BICC1: variants seen among roughly 807,000 people sequenced by gnomAD.
The protein encoded by BICC1 is BicC family RNA binding protein 1, also known as protein bicaudal C homolog 1.
Under a neutral mutation model 111.0 loss-of-function variants are expected in BICC1, and 43 were observed. The observed-to-expected ratio is 0.39, with a 90% CI of 0.30 to 0.50. BICC1 has a LOEUF of 0.50. Among genes scored for constraint, BICC1 ranks in the 20% least tolerant of loss-of-function variants. The probability of loss-of-function intolerance (pLI) is 0.88; values close to 1 mark genes in which losing one functional copy is unlikely to be tolerated. For synonymous variants in BICC1, 467 were observed against 434.4 expected, an observed-to-expected ratio of 1.07 and a Z score of -0.93; for missense variants, 1,091 against 1,203.2, an observed-to-expected ratio of 0.91 and a Z score of 1.38.
intron 1 of BICC1, among the ~76,000 whole-genome samples, chr10:58,611,036 C>T (rs939827928): frequency 6.6e-6 from 1 of 152,160 alleles, no homozygotes; most frequent in Non-Finnish European, 1.5e-5. Context: ...TCTGATATTG[C>T]GTTAGTCATT....
At chr10:58,689,953 T>C (rs189479344) in intron 2 of BICC1, among the ~76,000 whole-genome samples, 14 of 152,352 alleles carry the variant, frequency 9.2e-5, no homozygotes, top group Admixed American at 2.0e-4. Flanking sequence ...AAATTTGATA[T>C]AATTCAGGGA....
chr10:58,721,633 A>C (rs1472250184), intron 3 of BICC1, among the ~76,000 whole-genome samples: 2 of 152,226 alleles, frequency 1.3e-5, no homozygotes, highest in Non-Finnish European at 2.9e-5. Flanking sequence ...AGCAGTTTCC[A>C]GGCACATTAG....
intron 6 of BICC1, among the ~76,000 whole-genome samples, chr10:58,788,647 A>G (rs1221221532): frequency 6.6e-6 from 1 of 152,214 alleles, no homozygotes; most frequent in Non-Finnish European, 1.5e-5. Context: ...TTTTTCACTG[A>G]AAATGTTTCT....
At chr10:58,589,384 G>T (rs1421940105) in intron 1 of BICC1, among the ~76,000 whole-genome samples, 1 of 151,866 alleles carries the variant, frequency 6.6e-6, no homozygotes, top group Non-Finnish European at 1.5e-5. Flanking sequence ...GTGTGGGGAG[G>T]TTAAATAATT....
At chr10:58,532,556 T>C (rs542675828) in intron 1 of BICC1, among the ~76,000 whole-genome samples, 28 of 151,942 alleles carry the variant, frequency 1.8e-4, no homozygotes, top group African/African-American at 6.5e-4. Context: ...TAATTCATTT[T>C]AAGAAGGGAC....
chr10:58,513,446 C>T, intron 1 of BICC1, 113 bp downstream of exon 1: 1 of 1,051,094 alleles, frequency 9.5e-7, no homozygotes, highest in Non-Finnish European at 1.3e-6. Context: ...GCCGGTTTAG[C>T]TCCAGGCCCG....
intron 2 of BICC1, among the ~76,000 whole-genome samples, chr10:58,681,479 G>A (rs1839518351): frequency 1.3e-5 from 2 of 152,178 alleles, no homozygotes; most frequent in South Asian, 4.2e-4. Context: ...TTAGAATGGT[G>A]ATCATTAAAA....
At chr10:58,710,962 C>T (rs943708362) in intron 3 of BICC1, among the ~76,000 whole-genome samples, 1 of 152,096 alleles carries the variant, frequency 6.6e-6, no homozygotes, top group Non-Finnish European at 1.5e-5. Context: ...GATCATCTCA[C>T]CTCAGCCTCC....
chr10:58,784,082 A>G (rs1842947541), intron 3 of BICC1, among the ~76,000 whole-genome samples: 1 of 152,126 alleles, frequency 6.6e-6, no homozygotes, highest in Admixed American at 6.5e-5. Flanking sequence ...AGACTCTCTC[A>G]TAGCTGGTAC....
At chr10:58,516,054 C>A in intron 1 of BICC1, among the ~76,000 whole-genome samples, 1 of 152,026 alleles carries the variant, frequency 6.6e-6, no homozygotes, top group East Asian at 1.9e-4. Flanking sequence ...GTTAGATATT[C>A]TTGGGTGGAA....
intron 2 of BICC1, among the ~76,000 whole-genome samples, chr10:58,633,990 C>G (rs143281047): frequency 1.5e-5 from 1 of 68,788 alleles, no homozygotes; most frequent in Non-Finnish European, 2.6e-5. Context: ...TTTTTTTTTT[C>G]TTTTCTTTTT....
intron 1 of BICC1, among the ~76,000 whole-genome samples, chr10:58,533,982 C>A (rs1842755831): frequency 6.6e-6 from 1 of 151,666 alleles, no homozygotes; most frequent in Non-Finnish European, 1.5e-5. Flanking sequence ...CATACAGTGG[C>A]TGAATGGATT....
intron 1 of BICC1, among the ~76,000 whole-genome samples, chr10:58,600,046 TCCCA>T (rs1206509667): frequency 1.3e-5 from 2 of 152,042 alleles, no homozygotes; most frequent in Non-Finnish European, 2.9e-5. Flanking sequence ...TCAAAATGCA[TCCCA>T]CTGATGCTCA....
chr10:58,621,904 TAGAATAGAA>T (rs1269076786), intron 2 of BICC1, among the ~76,000 whole-genome samples: 2 of 16,812 alleles, frequency 1.2e-4, no homozygotes, highest in African/African-American at 7.4e-4. Flanking sequence ...TCTCTAAAAT[TAGAATAGAA>T]TAGAATAGAA....
At chr10:58,739,419 C>T (rs1444753397) in intron 3 of BICC1, among the ~76,000 whole-genome samples, 2 of 152,092 alleles carry the variant, frequency 1.3e-5, no homozygotes, top group Admixed American at 1.3e-4. Context: ...GCCTTGCATC[C>T]CAGGGATGAA....
At chr10:58,742,925 T>G (rs1301803333) in intron 3 of BICC1, among the ~76,000 whole-genome samples, 1 of 152,222 alleles carries the variant, frequency 6.6e-6, no homozygotes, top group Non-Finnish European at 1.5e-5. Context: ...GCCCACACCT[T>G]AAATGATCAA....
rs912646689 is a variant in BICC1 at position 58,513,321 on chromosome 10, G to A, written c.178G>A (p.Ala60Thr). ...RFRVDRKKLE[A>T]MLQAAAEGKG... ...CCGCGTGGACAGGAAGAAACTTGAG[G>A]CCATGTTACAAGGTAGGCATCCCTC... Residue 60 changes from alanine to threonine, a missense_variant, in exon 1 of 21, where the codon GCC (alanine) becomes ACC (threonine). By Grantham distance (58) the Ala-to-Thr change is moderately conservative. This residue lies in a region of BICC1 where 843 missense variants were observed against 900.8 expected (regional missense o/e 0.94). Transcript: ENST00000373886. The A allele has an allele frequency of 3.1e-6, 5 of 1,607,046 alleles. No individual in the cohort carries two copies. The highest frequency in any genetic ancestry group is 4.3e-6 in the Non-Finnish European group (5 of 1,175,816).
At chr10:58,729,771 C>T (rs1392329868) in intron 3 of BICC1, among the ~76,000 whole-genome samples, 1 of 152,162 alleles carries the variant, frequency 6.6e-6, no homozygotes, top group Admixed American at 6.5e-5. Flanking sequence ...TAAACAACCA[C>T]ATCTCGCAAG....
At position 58,523,321 on chromosome 10, in the gene BICC1, C is replaced by T. The variant is rs1172371195; in HGVS notation, c.190+9988C>T. On this transcript the variant is annotated intron_variant, in intron 1 of 20. Coordinates refer to ENST00000373886, the MANE Select transcript of BICC1 (RefSeq NM_001080512.3). The stretch of plus-strand genomic sequence containing the variant: ...AATCCTCAATAAAATACTGACAAAC[C>T]GAATCCAGCAGCACATCAAAAAGCT... 3.8e-4 allele frequency among the ~76,000 whole-genome samples: 58 copies of T among 152,234 alleles called. 1 individual carries two copies. In the South Asian group the frequency reaches 0.012, roughly 30 times the overall value.
Sources: allele counts gnomAD v4.1 joint callset (sites outside exome capture counted in the v4.1 genomes callset), GRCh38; gene constraint gnomAD v4.1.1; regional missense constraint gnomAD v4.1.1; transcripts MANE v1.5; gene names NCBI Gene and HGNC (gene_info 2026-07-23, HGNC 2026-07-21).